NCAM2: variants seen among roughly 807,000 people sequenced by gnomAD.
NCAM2 encodes N-CAM-2.
A neutral mutation model predicts 98.1 loss-of-function variants in NCAM2; 30 were observed. That is an observed-to-expected ratio of 0.31 (90% CI 0.23 to 0.41). NCAM2 has a LOEUF of 0.41. NCAM2 is among the 10% of genes least tolerant of loss of function. The pLI is 1.00. For synonymous variants in NCAM2, 368 were observed against 342.4 expected (o/e 1.07, Z -0.83); for missense variants, 867 against 1,005.8 (o/e 0.86, Z 1.87).
At chr21:21,186,281 A>C (rs562384906) in intron 1 of NCAM2, among the ~76,000 whole-genome samples, 49 of 152,280 alleles carry the variant, frequency 3.2e-4, no homozygotes, top group African/African-American at 1.1e-3. Context: ...TAAGGAACTT[A>C]AAATTTGTGC....
At chr21:21,212,023 A>G (rs1457725982) in intron 1 of NCAM2, among the ~76,000 whole-genome samples, 2 of 152,192 alleles carry the variant, frequency 1.3e-5, no homozygotes, top group Non-Finnish European at 2.9e-5. Flanking sequence ...TAAATGTACA[A>G]ATACCCATAT....
At chr21:21,161,432 GT>G (rs202218678) in intron 1 of NCAM2, among the ~76,000 whole-genome samples, 4,385 of 151,786 alleles carry the variant, frequency 0.029, 210 homozygotes, top group African/African-American at 0.1. Flanking sequence ...TGGTAGGGTT[GT>G]TTTTTAATAT....
rs1990295795 is a variant in NCAM2, at chr21:21,543,048, C to T, written c.*5091C>T. 6.6e-6 allele frequency: 1 copy of T among 151,632 alleles called. No individual in the cohort carries two copies. The highest frequency in any genetic ancestry group is 2.4e-5 in the African/African-American group (1 of 41,318). The allele number at this position is 151,632 out of a possible 1,614,324, so 9.4% of individuals were successfully genotyped here. On this transcript the variant is annotated 3_prime_UTR_variant, in exon 18 of 18. Transcript: ENST00000400546. ...GCTTTTTTGGTATGTGAACTGTATG[C>T]TGTGCTCAGTATGTACTGAAACATA... is the stretch of plus-strand genomic sequence containing the variant.
intron 1 of NCAM2, among the ~76,000 whole-genome samples, chr21:21,173,868 T>C (rs567353037): frequency 6.6e-6 from 1 of 152,156 alleles, no homozygotes; most frequent in Non-Finnish European, 1.5e-5. Flanking sequence ...ACCCAGAGGC[T>C]TGAAGGGTTG....
chr21:21,276,611 C>T (rs1459618989), intron 1 of NCAM2, among the ~76,000 whole-genome samples: 1 of 151,996 alleles, frequency 6.6e-6, no homozygotes, highest in African/African-American at 2.4e-5. Flanking sequence ...AAACTCATCA[C>T]TTACCTTATA....
At chr21:21,521,585 GAAGATTCTAGAA>G (rs1463095449) in intron 16 of NCAM2, among the ~76,000 whole-genome samples, 2 of 152,114 alleles carry the variant, frequency 1.3e-5, no homozygotes, top group African/African-American at 4.8e-5. Flanking sequence ...GCACAGAGAT[GAAGATTCTAGAA>G]AAGAGGAATG....
chr21:21,523,794 T>C (rs117215180), intron 16 of NCAM2, among the ~76,000 whole-genome samples: 2,502 of 152,068 alleles, frequency 0.016, 39 homozygotes, highest in Non-Finnish European at 0.026. Context: ...ATAACTGATA[T>C]ACTAAGGAAA....
At chr21:21,462,383 A>T (rs541527362) in intron 12 of NCAM2, among the ~76,000 whole-genome samples, 2 of 152,222 alleles carry the variant, frequency 1.3e-5, no homozygotes, top group East Asian at 3.9e-4. Flanking sequence ...GAGCTTAATT[A>T]GTTACCAAAT....
intron 6 of NCAM2, among the ~76,000 whole-genome samples, chr21:21,325,062 T>C (rs1296483893): frequency 6.6e-6 from 1 of 152,152 alleles, no homozygotes; most frequent in East Asian, 1.9e-4. Context: ...TAAAATACTA[T>C]TTGATTTTTA....
intron 1 of NCAM2, among the ~76,000 whole-genome samples, chr21:21,023,932 T>G (rs996491458): frequency 3.3e-5 from 5 of 152,188 alleles, no homozygotes; most frequent in Admixed American, 2.6e-4. Context: ...GATTTTGGCT[T>G]TAATGTCGTA....
intron 1 of NCAM2, among the ~76,000 whole-genome samples, chr21:21,059,049 T>C (rs186210787): frequency 1.7e-4 from 26 of 152,236 alleles, no homozygotes; most frequent in Non-Finnish European, 2.8e-4. Flanking sequence ...GACATTTTTC[T>C]TTTAAAGCAA....
chr21:21,490,663 T>A (rs1482260667), intron 15 of NCAM2, among the ~76,000 whole-genome samples: 1 of 151,946 alleles, frequency 6.6e-6, no homozygotes, highest in African/African-American at 2.4e-5. Flanking sequence ...AACTACTGTT[T>A]TAAATAGTGT....
chr21:21,302,011 G>A (rs9917501), intron 5 of NCAM2, among the ~76,000 whole-genome samples: 99,600 of 136,804 alleles, frequency 0.73, 36,267 homozygotes, highest in South Asian at 0.81. Context: ...TACACTGTTG[G>A]TGGGACTGTA....
intron 1 of NCAM2, among the ~76,000 whole-genome samples, chr21:21,174,795 A>G (rs1031607395): frequency 1.3e-4 from 20 of 152,044 alleles, no homozygotes; most frequent in African/African-American, 4.8e-4. Context: ...GTTATGAGAA[A>G]AGAGAGCTAT....
intron 1 of NCAM2, among the ~76,000 whole-genome samples, chr21:21,152,088 G>A (rs1046361575): frequency 6.6e-6 from 1 of 151,800 alleles, no homozygotes; most frequent in African/African-American, 2.4e-5. Context: ...CATGTATGTT[G>A]GACTGGCTGA....
intron 12 of NCAM2, among the ~76,000 whole-genome samples, chr21:21,460,476 A>G (rs951814274): frequency 1.4e-4 from 21 of 151,992 alleles, no homozygotes; most frequent in Admixed American, 3.9e-4. Flanking sequence ...CCCTAAAACA[A>G]ACTTTAATTT....
At chr21:21,157,076 G>A (rs2067638494) in intron 1 of NCAM2, among the ~76,000 whole-genome samples, 1 of 151,628 alleles carries the variant, frequency 6.6e-6, no homozygotes, top group East Asian at 1.9e-4. Context: ...TTTTCTAATA[G>A]ACTGTGTAAG....
chr21:21,284,761 G>T (rs1328330017), intron 3 of NCAM2, among the ~76,000 whole-genome samples: 1 of 151,220 alleles, frequency 6.6e-6, no homozygotes, highest in African/African-American at 2.4e-5. Flanking sequence ...AAATGAAAAT[G>T]TGTGACAGCA....
intron 1 of NCAM2, among the ~76,000 whole-genome samples, chr21:21,265,331 AAT>A (rs1373620762): frequency 7.6e-6 from 1 of 130,900 alleles, no homozygotes; most frequent in African/African-American, 2.8e-5. Context: ...ACACATATAT[AAT>A]ATATATGTGT....
Sources: allele counts gnomAD v4.1 joint callset (sites outside exome capture counted in the v4.1 genomes callset), GRCh38; gene constraint gnomAD v4.1.1; transcripts MANE v1.5; gene names NCBI Gene and HGNC (gene_info 2026-07-23, HGNC 2026-07-21).